The following TMIGD3 variants were observed in gnomAD, a reference collection of about 807,000 sequenced individuals.
The protein encoded by TMIGD3 is transmembrane and immunoglobulin domain containing 3, also known as AD026 protein (AD026).
In TMIGD3, 21 loss-of-function variants were observed where a neutral mutation model predicts 28.1. That is an observed-to-expected ratio of 0.75 (90% CI 0.53 to 1.08). TMIGD3 has a LOEUF of 1.08. Among genes scored for constraint, TMIGD3 ranks in the 50% least tolerant of loss-of-function variants. The probability of loss-of-function intolerance (pLI) is 0.00; values close to 1 mark genes in which losing one functional copy is unlikely to be tolerated. For synonymous variants in TMIGD3, 151 were observed against 162.1 expected, an observed-to-expected ratio of 0.93 and a Z score of 0.52; for missense variants, 416 against 435.6, an observed-to-expected ratio of 0.96 and a Z score of 0.40.
chr1:111,549,913 A>C (rs1205549705), intron 1 of TMIGD3, among the ~76,000 whole-genome samples: 1 of 152,132 alleles, frequency 6.6e-6, no homozygotes, highest in Non-Finnish European at 1.5e-5. Flanking sequence ...CCAGCCTACC[A>C]AAGTGCTGGA....
chr1:111,538,456 G>A (rs1187636259), intron 1 of TMIGD3, among the ~76,000 whole-genome samples: 1 of 152,180 alleles, frequency 6.6e-6, no homozygotes, highest in Admixed American at 6.5e-5. Flanking sequence ...GGAGGTTCTG[G>A]TGAGGATGTC....
chr1:111,520,608 T>C (rs1656026128), intron 1 of TMIGD3, among the ~76,000 whole-genome samples: 1 of 152,220 alleles, frequency 6.6e-6, no homozygotes, highest in African/African-American at 2.4e-5. Flanking sequence ...ATGGAAGCCA[T>C]TCATTTTTCA....
At chr1:111,529,379 T>TC (rs1656373626) in intron 1 of TMIGD3, among the ~76,000 whole-genome samples, 2 of 151,380 alleles carry the variant, frequency 1.3e-5, no homozygotes, top group Non-Finnish European at 2.9e-5. Context: ...TTTCTTTCTT[T>TC]TTTTTTTAAT....
intron 1 of TMIGD3, among the ~76,000 whole-genome samples, chr1:111,560,369 G>T (rs1447593549): frequency 6.6e-6 from 1 of 151,858 alleles, no homozygotes; most frequent in Non-Finnish European, 1.5e-5. Flanking sequence ...AAGGCCTAAG[G>T]CAGGGGCTGA....
At chr1:111,549,022 A>G (rs1657145089) in intron 1 of TMIGD3, among the ~76,000 whole-genome samples, 1 of 152,228 alleles carries the variant, frequency 6.6e-6, no homozygotes, top group Admixed American at 6.5e-5. Flanking sequence ...TGTGTTTTCC[A>G]TGAACTTTTG....
chr1:111,552,156 T>A (rs776046489), intron 1 of TMIGD3, among the ~76,000 whole-genome samples: 3 of 152,204 alleles, frequency 2.0e-5, no homozygotes, highest in Admixed American at 6.5e-5. Flanking sequence ...CTGGGCAAGC[T>A]CTGAAACAAG....
intron 1 of TMIGD3, chr1:111,563,734 A>T: frequency 1.3e-6 from 1 of 749,852 alleles, no homozygotes; most frequent in Non-Finnish European, 2.3e-6. Context: ...AGGACAAAGC[A>T]TTGATTAAGT....
chr1:111,562,200 A>G lies in TMIGD3; in HGVS notation c.107+1646T>C, dbSNP rs1657768886. 2.6e-5 allele frequency among the ~76,000 whole-genome samples: 4 copies of G among 152,176 alleles called. 1 individual carries two copies. In the South Asian group the frequency reaches 8.3e-4, roughly 32 times the overall value. ...TTCAGATACGCCATTTCCTCTGTGA[A>G]ATTTCTTCTGACCCCACCACTTCTT... On this transcript the variant is annotated intron_variant, in intron 1 of 5. Coordinates refer to the TMIGD3 transcript ENST00000369717.
At chr1:111,532,943 C>T (rs890554569) in intron 1 of TMIGD3, among the ~76,000 whole-genome samples, 1 of 152,124 alleles carries the variant, frequency 6.6e-6, no homozygotes, top group African/African-American at 2.4e-5. Flanking sequence ...AGTGTGGTTG[C>T]GGGTGGCCCT....
At chr1:111,539,322 G>A (rs190289999) in intron 1 of TMIGD3, among the ~76,000 whole-genome samples, 30 of 152,092 alleles carry the variant, frequency 2.0e-4, no homozygotes, top group Admixed American at 9.8e-4. Flanking sequence ...TCTTTGAGAC[G>A]GAGTCTCGCT....
At chr1:111,551,652 C>G (rs781184219) in intron 1 of TMIGD3, among the ~76,000 whole-genome samples, 1 of 152,040 alleles carries the variant, frequency 6.6e-6, no homozygotes, top group Non-Finnish European at 1.5e-5. Flanking sequence ...AAGGGAGTTA[C>G]AAACAAAAAT....
intron 1 of TMIGD3, chr1:111,500,321 T>C (rs1655105051): frequency 1.2e-6 from 2 of 1,614,096 alleles, no homozygotes; most frequent in Non-Finnish European, 1.7e-6. Flanking sequence ...TCAAGATAGA[T>C]GGCGCACATG....
rs74356803 is a variant in TMIGD3 at position 111,522,219 on chromosome 1, A to T, written c.108-31457T>A. Among the ~76,000 whole-genome samples the T allele has an allele frequency of 5.7e-3, 871 of 152,268 alleles. 8 individuals are homozygous for T. Among genetic ancestry groups the T allele is most frequent in the African/African-American group, 0.02 (816 of 41,552 alleles). On this transcript the variant is annotated intron_variant, in intron 1 of 5. Transcript: ENST00000369717. ...TGGTACTCCAACTTGGTTCTTTTTC[A>T]AAGTTGTTTTGGCTATTCTAGGTCT...
intron 1 of TMIGD3, 48 bp from the exon 2 acceptor site, chr1:111,490,810 G>C (rs759071207): frequency 1.2e-5 from 17 of 1,415,404 alleles, no homozygotes; most frequent in Non-Finnish European, 1.6e-5. Flanking sequence ...GCTTTATCCT[G>C]GTTTGAAGAG....
intron 1 of TMIGD3, among the ~76,000 whole-genome samples, chr1:111,510,488 G>A (rs192412246): frequency 9.9e-4 from 151 of 152,186 alleles, no homozygotes; most frequent in Non-Finnish European, 1.5e-3. Flanking sequence ...TAATAAACTA[G>A]ACTGCCTTGT....
chr1:111,539,095 A>G (rs1165427172), intron 1 of TMIGD3, among the ~76,000 whole-genome samples: 2 of 152,170 alleles, frequency 1.3e-5, no homozygotes, highest in Non-Finnish European at 2.9e-5. Flanking sequence ...TCTTTAAAAA[A>G]TAATTTCAAC....
At chr1:111,555,120 C>G (rs922778774) in intron 1 of TMIGD3, among the ~76,000 whole-genome samples, 2 of 152,006 alleles carry the variant, frequency 1.3e-5, no homozygotes, top group Non-Finnish European at 2.9e-5. Context: ...AATTCCAACA[C>G]TCTGGGAGGC....
At chr1:111,540,228 A>T (rs879558541) in intron 1 of TMIGD3, among the ~76,000 whole-genome samples, 5 of 152,200 alleles carry the variant, frequency 3.3e-5, no homozygotes, top group Non-Finnish European at 5.9e-5. Flanking sequence ...ATTTTGTGTG[A>T]GTTCTGCAAG....
chr1:111,559,380 A>T (rs1363244342), intron 1 of TMIGD3, among the ~76,000 whole-genome samples: 1 of 152,202 alleles, frequency 6.6e-6, no homozygotes, highest in Non-Finnish European at 1.5e-5. Flanking sequence ...ACGATTCAGC[A>T]GTGACCTAAA....
Sources: gnomAD v4.1 joint callset for allele counts (sites outside exome capture counted in the v4.1 genomes callset) on GRCh38, gnomAD v4.1.1 for gene constraint, MANE v1.5 for transcripts, NCBI Gene and HGNC (gene_info 2026-07-23, HGNC 2026-07-21) for gene names.